Variants in GPBP1 observed in about 807,000 individuals in gnomAD.
The protein encoded by GPBP1 is GC-rich promoter binding protein 1, also known as vasculin.
GPBP1 carries 13 observed loss-of-function variants against 56.5 expected under a neutral mutation model. The ratio of observed to expected loss-of-function variants is 0.23; its 90% CI spans 0.15 to 0.37. GPBP1 has a LOEUF of 0.37. Ranked by LOEUF, GPBP1 falls within the 10% of genes least tolerant of loss-of-function variation. The pLI is 1.00. For missense variants in GPBP1, 477 were observed against 572.3 expected (o/e 0.83, Z 1.70); for synonymous variants, 204 against 188.9 (o/e 1.08, Z -0.66).
chr5:57,205,105 G>T (rs149744938), intron 2 of GPBP1, among the ~76,000 whole-genome samples: 24 of 152,032 alleles, frequency 1.6e-4, no homozygotes, highest in Non-Finnish European at 3.4e-4. Flanking sequence ...GCAGTCACCC[G>T]CATTCCACCC....
At chr5:57,191,488 A>T (rs1407477963) in intron 2 of GPBP1, among the ~76,000 whole-genome samples, 1 of 151,662 alleles carries the variant, frequency 6.6e-6, no homozygotes, top group Non-Finnish European at 1.5e-5. Flanking sequence ...TGAACTGTTG[A>T]GTCAGAAGCC....
At chr5:57,215,993 C>A (rs537647885) in intron 3 of GPBP1, among the ~76,000 whole-genome samples, 6 of 152,150 alleles carry the variant, frequency 3.9e-5, no homozygotes, top group African/African-American at 7.2e-5. Flanking sequence ...ATCTTTGAGT[C>A]ATTACTCCAC....
At position 57,263,728 on chromosome 5, in the gene GPBP1, A is replaced by C. The variant is rs986897390; in HGVS notation, c.*976A>C. On this transcript the variant is annotated 3_prime_UTR_variant, in exon 12 of 12. Transcript: ENST00000506184. ...ATTACTTTTCCGAGGTCAGAAAAGG[A>C]AAGCTAAGCGTTTTCATTATCAAAT... The C allele has an allele frequency of 6.6e-6, 1 of 152,228 alleles. No individual in the cohort carries two copies. Among genetic ancestry groups the C allele is most frequent in the Non-Finnish European group, 1.5e-5 (1 of 68,024 alleles). The allele number at this position is 152,228 out of a possible 1,614,324, so 9.4% of individuals were successfully genotyped here.
intron 3 of GPBP1, among the ~76,000 whole-genome samples, chr5:57,226,553 C>CT (rs34180383): frequency 0.11 from 6,834 of 62,090 alleles, 798 homozygotes; most frequent in East Asian, 0.25. Flanking sequence ...AGCATTTTTG[C>CT]TTTTTTTTTT....
chr5:57,214,210 T>A lies in GPBP1; in HGVS notation c.63+17T>A. ...TCAACAAAGGTACTCTTTCTGCATCTTTCTTTCTGTCTGCTTCTCTTGCAT... is the reference window on the plus strand; with the variant it reads ...TCAACAAAGGTACTCTTTCTGCATCATTCTTTCTGTCTGCTTCTCTTGCAT... On this transcript the variant is annotated intron_variant, in intron 3 of 11. Transcript: ENST00000506184. The A allele has an allele frequency of 6.3e-7, 1 of 1,575,646 alleles. No individual in the cohort carries two copies. Among genetic ancestry groups the A allele is most frequent in the East Asian group, 2.2e-5 (1 of 44,672 alleles).
chr5:57,214,606 A>G (rs1237235508), intron 3 of GPBP1, among the ~76,000 whole-genome samples: 2 of 152,152 alleles, frequency 1.3e-5, no homozygotes, highest in African/African-American at 4.8e-5. Flanking sequence ...AACAAAAACA[A>G]AAACCCAAAA....
At chr5:57,255,128 A>G (rs1294720357) in intron 10 of GPBP1, among the ~76,000 whole-genome samples, 2 of 152,170 alleles carry the variant, frequency 1.3e-5, no homozygotes, top group African/African-American at 4.8e-5. Context: ...ATTCTATAGT[A>G]TGGATATAAA....
intron 2 of GPBP1, among the ~76,000 whole-genome samples, chr5:57,184,741 T>G (rs73127750): frequency 0.016 from 2,449 of 152,152 alleles, 63 homozygotes; most frequent in African/African-American, 0.056. Context: ...ATATAGAATA[T>G]TTTCATCACC....
chr5:57,248,767 G>GA (rs1303668135), intron 8 of GPBP1: 2 of 152,168 alleles, frequency 1.3e-5, no homozygotes, highest in Non-Finnish European at 2.9e-5. Flanking sequence ...AGCTTTGAGG[G>GA]AAGGACTAGC....
Position 57,238,940 on chromosome 5 carries a change from A to G in GPBP1, c.478+2908A>G, listed in dbSNP as rs566395213. ...ATGGATTGTTTTCTAGAGAATTCCA[A>G]TATTTGCCACAAGCATACAGATTGA... is the stretch of plus-strand genomic sequence containing the variant. On this transcript the variant is annotated intron_variant, in intron 6 of 11. Coordinates refer to ENST00000506184, the MANE Select transcript of GPBP1 (RefSeq NM_022913.4). Among the ~76,000 whole-genome samples the G allele has an allele frequency of 2.2e-4, 33 of 152,342 alleles. No homozygotes were observed. In the South Asian group the frequency reaches 2.5e-3, roughly 11 times the overall value.
At chr5:57,202,204 C>CAT (rs1258804739) in intron 2 of GPBP1, among the ~76,000 whole-genome samples, 2 of 152,086 alleles carry the variant, frequency 1.3e-5, no homozygotes, top group African/African-American at 4.8e-5. Flanking sequence ...AGGCTGGTCT[C>CAT]AAACTCCTGG....
intron 2 of GPBP1, among the ~76,000 whole-genome samples, chr5:57,196,284 A>G (rs921636825): frequency 6.6e-6 from 1 of 152,158 alleles, no homozygotes; most frequent in East Asian, 1.9e-4. Flanking sequence ...GATTACAGGT[A>G]TAAGCCACCA....
chr5:57,217,446 C>T (rs953696854), intron 3 of GPBP1, among the ~76,000 whole-genome samples: 1 of 152,128 alleles, frequency 6.6e-6, no homozygotes, highest in Non-Finnish European at 1.5e-5. Flanking sequence ...GTGGTGCATA[C>T]CTTAATCCCA....
chr5:57,185,143 C>G (rs1471211380), intron 2 of GPBP1, among the ~76,000 whole-genome samples: 5 of 152,062 alleles, frequency 3.3e-5, no homozygotes, highest in Non-Finnish European at 7.4e-5. Flanking sequence ...TATGAAAATC[C>G]CTAGCAGAAC....
intron 5 of GPBP1, among the ~76,000 whole-genome samples, chr5:57,235,355 A>G (rs1756617715): frequency 6.6e-6 from 1 of 151,680 alleles, no homozygotes; most frequent in Admixed American, 6.6e-5. Flanking sequence ...CCTTATGCTA[A>G]GGAGGGATTA....
chr5:57,196,172 T>C (rs1754741327), intron 2 of GPBP1, among the ~76,000 whole-genome samples: 1 of 151,978 alleles, frequency 6.6e-6, no homozygotes, highest in Admixed American at 6.6e-5. Flanking sequence ...TGTTTTATTT[T>C]CTTAATATTT....
chr5:57,222,792 CTTATAATCCCA>C (rs1371997925), intron 3 of GPBP1, among the ~76,000 whole-genome samples: 2 of 152,104 alleles, frequency 1.3e-5, no homozygotes, highest in Non-Finnish European at 2.9e-5. Flanking sequence ...TTCGTATCTA[CTTATAATCCCA>C]TTACAGTTTT....
At chr5:57,222,913 G>A (rs2111811321) in intron 3 of GPBP1, among the ~76,000 whole-genome samples, 1 of 152,164 alleles carries the variant, frequency 6.6e-6, no homozygotes, top group Middle Eastern at 3.4e-3. Flanking sequence ...GTTTTGATTT[G>A]CATCACTTAA....
intron 2 of GPBP1, among the ~76,000 whole-genome samples, chr5:57,211,724 C>T (rs1400296349): frequency 6.6e-6 from 1 of 151,826 alleles, no homozygotes; most frequent in Admixed American, 6.6e-5. Flanking sequence ...GCTGGGATTA[C>T]AGGCATGCAC....
Sources: gnomAD v4.1 joint callset for allele counts (sites outside exome capture counted in the v4.1 genomes callset) on GRCh38, gnomAD v4.1.1 for gene constraint, MANE v1.5 for transcripts, NCBI Gene and HGNC (gene_info 2026-07-23, HGNC 2026-07-21) for gene names.